Variants in KCNQ3 observed in about 807,000 individuals in gnomAD.
KCNQ3 encodes potassium voltage-gated channel subfamily Q member 3.
In KCNQ3, 30 loss-of-function variants were observed where a neutral mutation model predicts 92.5. That is an observed-to-expected ratio of 0.32 (90% confidence interval 0.24 to 0.44). The LOEUF is 0.44. Among genes scored for constraint, KCNQ3 ranks in the 20% least tolerant of loss-of-function variants. The pLI, the probability that KCNQ3 is intolerant of heterozygous loss-of-function variation, is 1.00. For missense variants in KCNQ3, 913 were observed against 1,140.3 expected, an observed-to-expected ratio of 0.80 and a Z score of 2.87; for synonymous variants, 450 against 468.8, an observed-to-expected ratio of 0.96 and a Z score of 0.52.
chr8:132,135,008 G>C (rs75528610), intron 12 of KCNQ3, among the ~76,000 whole-genome samples: 2,995 of 152,116 alleles, frequency 0.02, 122 homozygotes, highest in African/African-American at 0.069. Flanking sequence ...TTTTAGGTTT[G>C]GGGGTACAGG....
intron 1 of KCNQ3, among the ~76,000 whole-genome samples, chr8:132,440,341 T>C (rs1821503502): frequency 6.6e-6 from 1 of 152,200 alleles, no homozygotes; most frequent in South Asian, 2.1e-4. Flanking sequence ...CCGTTTTCCC[T>C]GCTGTCCTTC....
intron 9 of KCNQ3, among the ~76,000 whole-genome samples, chr8:132,149,738 A>G (rs1825575993): frequency 6.6e-6 from 1 of 152,000 alleles, no homozygotes; most frequent in African/African-American, 2.4e-5. Flanking sequence ...TTCCCTACCG[A>G]CTGGAGTGCA....
chr8:132,407,202 G>A (rs1184800774), intron 1 of KCNQ3, among the ~76,000 whole-genome samples: 4 of 152,200 alleles, frequency 2.6e-5, no homozygotes, highest in Non-Finnish European at 5.9e-5. Context: ...AGCAGCCACA[G>A]CAAAGAGCCC....
In KCNQ3 at chr8:132,233,434, C is replaced by T. The variant is rs191656333; in HGVS notation, c.387-47253G>A. On this transcript the variant is annotated intron_variant, in intron 1 of 14. Coordinates refer to ENST00000388996, the MANE Select transcript of KCNQ3 (RefSeq NM_004519.4). ...AAATCCCAAGTTGACCTAATAGTTG[C>T]CACCTTAACCTTGATATTCCACCAG... Among the ~76,000 whole-genome samples, 208 of 152,284 alleles carry T rather than the reference C, an allele frequency of 1.4e-3. 1 individual carries two copies. The South Asian group carries it at 0.017, about 12-fold the overall frequency.
chr8:132,329,354 C>T lies in KCNQ3; in HGVS notation c.387-143173G>A, dbSNP rs11988548. ...GGTAACGAGGTGCTGTAACAGAAAA[C>T]ACTTAAATGCTAGAATCCTCCAGTG... On this transcript the variant is annotated intron_variant, in intron 1 of 14. Coordinates refer to ENST00000388996, the MANE Select transcript of KCNQ3 (RefSeq NM_004519.4). Among the ~76,000 whole-genome samples the T allele has an allele frequency of 3.6e-3, 547 of 152,312 alleles. 3 individuals are homozygous for T. Among genetic ancestry groups the T allele is most frequent in the African/African-American group, 0.012 (510 of 41,558 alleles).
intron 1 of KCNQ3, among the ~76,000 whole-genome samples, chr8:132,223,938 C>T (rs1451750155): frequency 6.6e-6 from 1 of 151,968 alleles, no homozygotes; most frequent in East Asian, 1.9e-4. Context: ...ATTTTTGAGA[C>T]AGAATTTCAC....
At chr8:132,249,565 C>T (rs1815322756) in intron 1 of KCNQ3, among the ~76,000 whole-genome samples, 1 of 152,218 alleles carries the variant, frequency 6.6e-6, no homozygotes, top group African/African-American at 2.4e-5. Context: ...CTCCAAATCC[C>T]CACTAGACTC....
chr8:132,477,659 C>T (rs1294215214), intron 1 of KCNQ3, among the ~76,000 whole-genome samples: 2 of 152,218 alleles, frequency 1.3e-5, no homozygotes, highest in East Asian at 1.9e-4. Context: ...AATCCCACCA[C>T]CACCCCAGTT....
chr8:132,403,024 A>AAAAAAAAAAAAAAAAAAC, intron 1 of KCNQ3, among the ~76,000 whole-genome samples: 1 of 149,468 alleles, frequency 6.7e-6, no homozygotes, highest in Admixed American at 6.7e-5. Flanking sequence ...CACAAAAAAA[A>AAAAAAAAAAAAAAAAAAC]AAAAAAAAGT....
intron 1 of KCNQ3, among the ~76,000 whole-genome samples, chr8:132,270,793 T>G (rs577935130): frequency 2.6e-5 from 4 of 152,362 alleles, no homozygotes; most frequent in African/African-American, 9.6e-5. Context: ...ACCCTTAGAC[T>G]GCACCGTTTT....
At chr8:132,357,268 A>G (rs985051122) in intron 1 of KCNQ3, among the ~76,000 whole-genome samples, 1 of 152,212 alleles carries the variant, frequency 6.6e-6, no homozygotes, top group Admixed American at 6.5e-5. Flanking sequence ...GTTCCTTTGG[A>G]AGGTAATTCA....
chr8:132,433,937 G>A (rs557400228), intron 1 of KCNQ3, among the ~76,000 whole-genome samples: 27 of 151,676 alleles, frequency 1.8e-4, no homozygotes, highest in South Asian at 6.3e-4. Context: ...GGCCGGGCAC[G>A]GTGGCTCATG....
intron 1 of KCNQ3, among the ~76,000 whole-genome samples, chr8:132,267,850 C>A (rs1816037557): frequency 6.6e-6 from 1 of 152,160 alleles, no homozygotes; most frequent in Non-Finnish European, 1.5e-5. Context: ...ATCCCTGTCC[C>A]CAAACATGCA....
intron 1 of KCNQ3, among the ~76,000 whole-genome samples, chr8:132,240,656 C>T (rs1814965584): frequency 6.6e-6 from 1 of 152,202 alleles, no homozygotes; most frequent in African/African-American, 2.4e-5. Flanking sequence ...CAGAGTGAGC[C>T]TCGCACCACC....
At chr8:132,252,795 T>G (rs1815459558) in intron 1 of KCNQ3, among the ~76,000 whole-genome samples, 1 of 152,146 alleles carries the variant, frequency 6.6e-6, no homozygotes, top group South Asian at 2.1e-4. Flanking sequence ...TTACAATCCT[T>G]TAGCTAGACA....
At chr8:132,437,018 G>A (rs899568885) in intron 1 of KCNQ3, among the ~76,000 whole-genome samples, 8 of 151,088 alleles carry the variant, frequency 5.3e-5, no homozygotes, top group Non-Finnish European at 1.0e-4. Context: ...GGTGGCTCAC[G>A]CCTGTAATCC....
At chr8:132,311,497 A>G (rs1349179453) in intron 1 of KCNQ3, among the ~76,000 whole-genome samples, 1 of 152,204 alleles carries the variant, frequency 6.6e-6, no homozygotes, top group Non-Finnish European at 1.5e-5. Context: ...GTGTCCTTCC[A>G]CTTCTCATTA....
intron 3 of KCNQ3, among the ~76,000 whole-genome samples, chr8:132,182,700 C>T (rs774415413): frequency 1.3e-5 from 2 of 152,058 alleles, no homozygotes; most frequent in Non-Finnish European, 2.9e-5. Context: ...TTCTGGTCAG[C>T]CTTGGATAGG....
At chr8:132,183,438 C>T (rs751733124) in intron 3 of KCNQ3, among the ~76,000 whole-genome samples, 5 of 152,262 alleles carry the variant, frequency 3.3e-5, no homozygotes, top group South Asian at 2.1e-4. Context: ...GCATCAGACA[C>T]GATGGCAAGC....
Sources: gnomAD v4.1 joint callset for allele counts (sites outside exome capture counted in the v4.1 genomes callset) on GRCh38, gnomAD v4.1.1 for gene constraint, MANE v1.5 for transcripts, NCBI Gene and HGNC (gene_info 2026-07-23, HGNC 2026-07-21) for gene names.